Variants in TNFRSF12A observed in about 807,000 individuals in gnomAD.
The protein encoded by TNFRSF12A is tumor necrosis factor receptor superfamily member 12A.
Under a neutral mutation model 15.5 loss-of-function variants are expected in TNFRSF12A, and 13 were observed. That is an observed-to-expected ratio of 0.84 (90% CI 0.54 to 1.33). TNFRSF12A has a LOEUF of 1.33. Among genes scored for constraint, TNFRSF12A ranks in the 40% most tolerant of loss-of-function variants. The pLI, the probability that TNFRSF12A is intolerant of heterozygous loss-of-function variation, is 0.00. For synonymous variants in TNFRSF12A, 89 were observed against 78.4 expected, an observed-to-expected ratio of 1.14 and a Z score of -0.71; for missense variants, 174 against 173.6, an observed-to-expected ratio of 1.00 and a Z score of -0.01.
At chr16:3,020,534 G>T (rs915732420) in intron 1 of TNFRSF12A, 43 bp downstream of exon 1, 2 of 1,250,270 alleles carry the variant, frequency 1.6e-6, no homozygotes, top group Non-Finnish European at 2.0e-6. Flanking sequence ...GCCGGGGCTC[G>T]GGAGCCGGAC....
At position 3,022,204 on chromosome 16, in the gene TNFRSF12A, C is replaced by G; in HGVS notation, c.*378C>G. The G allele has an allele frequency of 2.5e-6, 1 of 402,026 alleles. No individual in the cohort carries two copies. Among genetic ancestry groups the G allele is most frequent in the Non-Finnish European group, 4.4e-6 (1 of 227,672 alleles). 24.9% of individuals were successfully genotyped at this position (402,026 alleles called of 1,614,324 possible). A position where few individuals can be genotyped will look rare whatever the true frequency, so the allele number is the denominator to read the frequency against. The stretch of plus-strand genomic sequence containing the variant: ...TCACTCAGATGTCCTGAAATTCCAC[C>G]ACGGGGGTCACCCTGGGGGGTTAGG... On this transcript the variant is annotated 3_prime_UTR_variant, in exon 4 of 4. Coordinates refer to ENST00000326577, the MANE Select transcript of TNFRSF12A (RefSeq NM_016639.3).
At position 3,021,291 on chromosome 16, in the gene TNFRSF12A, G is replaced by C. The variant is rs1345325936; in HGVS notation, c.171G>C (p.Ala57=). 6.3e-7 allele frequency: 1 copy of C among 1,587,154 alleles called. No homozygotes were observed. Among genetic ancestry groups the C allele is most frequent in the East Asian group, 2.3e-5 (1 of 44,380 alleles). The change falls in exon 2 of 4, where the codon GCG becomes GCC. Residue 57 remains alanine, a synonymous_variant. Transcript: ENST00000326577. ...DKCMDCASCR[A]RPHSDFCLGC... ...GCATGGACTGCGCGTCTTGCAGGGC[G>C]CGACCGCACAGCGACTTCTGCCTGG...
chr16:3,020,384 GCAGGACGT>G lies in TNFRSF12A; in HGVS notation c.-13_-6del. On this transcript the variant is annotated 5_prime_UTR_variant, in exon 1 of 4. Coordinates refer to ENST00000326577, the MANE Select transcript of TNFRSF12A (RefSeq NM_016639.3). ...GCGGCGGGCGCAGACAGCGGCGGGC[GCAGGACGT>G]GCACTATGGCTCGGGGCTCGCTGCG... 1 of 1,287,480 alleles carries G rather than the reference GCAGGACGT, an allele frequency of 7.8e-7. No homozygotes were observed. The highest frequency in any genetic ancestry group is 9.8e-7 in the Non-Finnish European group (1 of 1,016,908). The allele number at this position is 1,287,480 out of a possible 1,614,324, so 79.8% of individuals were successfully genotyped here.
intron 1 of TNFRSF12A, 34 bp from the exon 2 acceptor site, chr16:3,021,181 G>A (rs754807321): frequency 1.1e-4 from 131 of 1,169,322 alleles, no homozygotes; most frequent in Non-Finnish European, 1.5e-4. Context: ...GCCGAGTCCC[G>A]CCCCCAGCCT....
At chr16:3,020,587 T>C (rs2072600771) in intron 1 of TNFRSF12A, 96 bp downstream of exon 1, 1 of 917,760 alleles carries the variant, frequency 1.1e-6, no homozygotes, top group Non-Finnish European at 1.4e-6. Flanking sequence ...AACAGGCGGA[T>C]GTGGGGATCT....
chr16:3,021,346 A>G (rs760548217), intron 2 of TNFRSF12A, 27 bp downstream of exon 2: 44 of 1,530,078 alleles, frequency 2.9e-5, no homozygotes, highest in Non-Finnish European at 3.7e-5. Flanking sequence ...GCCAGTGGCC[A>G]GCGGACCCCA....
rs1282445602 is a variant in TNFRSF12A, at chr16:3,021,261, C to T, written c.141C>T (p.Asp47=). ...SRGSSWSADL[D]KCMDCASCRA... ...GCAGCTCCTGGAGCGCGGACCTGGACAAGTGCATGGACTGCGCGTCTTGCA... is the reference window on the plus strand; with the variant it reads ...GCAGCTCCTGGAGCGCGGACCTGGATAAGTGCATGGACTGCGCGTCTTGCA... The change falls in exon 2 of 4, where the codon GAC becomes GAT. Residue 47 remains aspartate (D), a synonymous_variant. Coordinates refer to ENST00000326577, the MANE Select transcript of TNFRSF12A (RefSeq NM_016639.3). The T allele has an allele frequency of 1.9e-6, 3 of 1,594,184 alleles. No individual in the cohort carries two copies. In the Admixed American group the frequency reaches 5.2e-5, roughly 27 times the overall value.
In TNFRSF12A at chr16:3,021,270, G is replaced by A. The variant is rs767178460; in HGVS notation, c.150G>A (p.Met50Ile). ...SSWSADLDKC[M>I]DCASCRARPH... ...GGAGCGCGGACCTGGACAAGTGCAT[G>A]GACTGCGCGTCTTGCAGGGCGCGAC... is the stretch of plus-strand genomic sequence containing the variant. Residue 50 changes from methionine (M) to isoleucine (I), a missense_variant, in exon 2 of 4, where the codon ATG (methionine) becomes ATA (isoleucine). Transcript: ENST00000326577. The A allele has an allele frequency of 1.9e-6, 3 of 1,593,324 alleles. No homozygotes were observed. Among genetic ancestry groups the A allele is most frequent in the Non-Finnish European group, 2.6e-6 (3 of 1,174,824 alleles).
Position 3,021,579 on chromosome 16 carries a change from TC to T in TNFRSF12A, c.226del (p.Arg76GlyfsTer11). On this transcript the variant is annotated frameshift_variant, in exon 3 of 4. Coordinates refer to ENST00000326577, the MANE Select transcript of TNFRSF12A (RefSeq NM_016639.3). LOFTEE classifies it high-confidence loss of function. The part of the protein sequence containing the change: ...LGCAAAPPAP[F>X]RLLWPILGGA... ...GGCGCTGCAGCACCTCCTGCCCCCTTCCGGCTGCTTTGGCCCATCCTTGGGG... is the reference window on the plus strand; with the variant it reads ...GGCGCTGCAGCACCTCCTGCCCCCTTCGGCTGCTTTGGCCCATCCTTGGGG... 6.2e-7 allele frequency: 1 copy of T among 1,612,142 alleles called. No homozygotes were observed. The highest frequency in any genetic ancestry group is 8.5e-7 in the Non-Finnish European group (1 of 1,179,388).
In TNFRSF12A at chr16:3,022,216, C is replaced by T; in HGVS notation, c.*390C>T. Reference sequence around the variant, plus strand: ...CCTGAAATTCCACCACGGGGGTCACCCTGGGGGGTTAGGGACCTATTTTTA... The same window carrying T: ...CCTGAAATTCCACCACGGGGGTCACTCTGGGGGGTTAGGGACCTATTTTTA... On this transcript the variant is annotated 3_prime_UTR_variant, in exon 4 of 4. Coordinates refer to ENST00000326577, the MANE Select transcript of TNFRSF12A (RefSeq NM_016639.3). 2.6e-6 allele frequency: 1 copy of T among 391,786 alleles called. No individual in the cohort carries two copies. Among genetic ancestry groups the T allele is most frequent in the Non-Finnish European group, 4.5e-6 (1 of 221,316 alleles). 24.3% of individuals were successfully genotyped at this position (391,786 alleles called of 1,614,324 possible).
In TNFRSF12A at chr16:3,021,318, C is replaced by G. The variant is rs780316858; in HGVS notation, c.198C>G (p.Gly66=). 6.3e-7 allele frequency: 1 copy of G among 1,575,946 alleles called. No individual in the cohort carries two copies. Among genetic ancestry groups the G allele is most frequent in the South Asian group, 1.1e-5 (1 of 87,492 alleles). Residue 66 remains glycine, a splice_region_variant and synonymous_variant, in exon 2 of 4, where the codon GGC becomes GGG. Coordinates refer to ENST00000326577, the MANE Select transcript of TNFRSF12A (RefSeq NM_016639.3). Reference sequence around the variant, plus strand: ...GACCGCACAGCGACTTCTGCCTGGGCTGTGAGTGGGGGGCAGGGCCAGTGG... The same window carrying G: ...GACCGCACAGCGACTTCTGCCTGGGGTGTGAGTGGGGGGCAGGGCCAGTGG... ...RARPHSDFCL[G]CAAAPPAPFR... is the part of the protein sequence containing the mutation.
chr16:3,021,707 T>G lies in TNFRSF12A; in HGVS notation c.334+18T>G. 6.2e-7 allele frequency: 1 copy of G among 1,612,254 alleles called. No homozygotes were observed. The highest frequency in any genetic ancestry group is 1.3e-5 in the African/African-American group (1 of 75,010). ...GTTCACCAGTAAGTGTGCCCTGGCCTGCCCAGCCCTGTCAGCACTCGACCT... is the reference window on the plus strand; with the variant it reads ...GTTCACCAGTAAGTGTGCCCTGGCCGGCCCAGCCCTGTCAGCACTCGACCT... On this transcript the variant is annotated intron_variant, in intron 3 of 3. Coordinates refer to ENST00000326577, the MANE Select transcript of TNFRSF12A (RefSeq NM_016639.3).
chr16:3,020,498 G>C lies in TNFRSF12A; in HGVS notation c.94+7G>C. ...GCCGGGGAGCAAGCGCCAGGTACGC[G>C]GGACTCCGGGGTCGGGGAACCCCGG... On this transcript the variant is annotated splice_region_variant and intron_variant, in intron 1 of 3. Transcript: ENST00000326577. 7.7e-7 allele frequency: 1 copy of C among 1,290,416 alleles called. No individual in the cohort carries two copies. Among genetic ancestry groups the C allele is most frequent in the East Asian group, 2.9e-5 (1 of 35,084 alleles). 79.9% of individuals were successfully genotyped at this position (1,290,416 alleles called of 1,614,324 possible).
intron 2 of TNFRSF12A, 102 bp downstream of exon 2, chr16:3,021,421 C>G (rs1236699760): frequency 3.6e-6 from 5 of 1,407,664 alleles, no homozygotes; most frequent in Non-Finnish European, 4.7e-6. Context: ...GGAAATCATT[C>G]GGGAGGAGGT....
At chr16:3,021,399 G>A in intron 2 of TNFRSF12A, 80 bp downstream of exon 2, 1 of 1,434,880 alleles carries the variant, frequency 7.0e-7, no homozygotes, top group Non-Finnish European at 9.2e-7. Flanking sequence ...GGGGCCGAGA[G>A]CTTTGCATCT....
In TNFRSF12A at chr16:3,021,935, A is replaced by G. The variant is rs1567408288; in HGVS notation, c.*109A>G. The G allele has an allele frequency of 8.2e-7, 1 of 1,222,700 alleles. No individual in the cohort carries two copies. Among genetic ancestry groups the G allele is most frequent in the Non-Finnish European group, 1.1e-6 (1 of 873,200 alleles). The allele number at this position is 1,222,700 out of a possible 1,614,324, so 75.7% of individuals were successfully genotyped here. On this transcript the variant is annotated 3_prime_UTR_variant, in exon 4 of 4. Transcript: ENST00000326577. Reference sequence around the variant, plus strand: ...CGGGAGCCAAGCTCCTCCAACCACAAGGGGGGTGGGGGGCGGTGAATCACC... The same window carrying G: ...CGGGAGCCAAGCTCCTCCAACCACAGGGGGGGTGGGGGGCGGTGAATCACC...
rs1278240661 is a variant in TNFRSF12A at position 3,021,888 on chromosome 16, A to G, written c.*62A>G. ...TCATTCATTCATCCATTCTAGAGCC[A>G]GTCTCTGCCTCCCAGACGCGGCGGG... On this transcript the variant is annotated 3_prime_UTR_variant, in exon 4 of 4. Transcript: ENST00000326577. The G allele has an allele frequency of 6.4e-7, 1 of 1,570,234 alleles. No individual in the cohort carries two copies. Among genetic ancestry groups the G allele is most frequent in the South Asian group, 1.1e-5 (1 of 87,620 alleles).
At position 3,021,757 on chromosome 16, in the gene TNFRSF12A, CTCT is replaced by C; in HGVS notation, c.335-12_335-10del. The C allele has an allele frequency of 4.3e-6, 7 of 1,612,124 alleles. No homozygotes were observed. The highest frequency in any genetic ancestry group is 5.9e-6 in the Non-Finnish European group (7 of 1,178,804). On this transcript the variant is annotated splice_polypyrimidine_tract_variant and intron_variant, in intron 3 of 3. Transcript: ENST00000326577. ...TTTTCTCTGCTGCTGACGACCCCAC[CTCT>C]TATCTTGCAGCCCCCATAGAGGAGA...
rs902024145 is a variant in TNFRSF12A, at chr16:3,020,690, C to T, written c.94+199C>T. Reference sequence around the variant, plus strand: ...TCACAATCCGGGCCTCAGTTTCTCCCACCGTCCAATTGGGGTTGGGGGGGG... The same window carrying T: ...TCACAATCCGGGCCTCAGTTTCTCCTACCGTCCAATTGGGGTTGGGGGGGG... On this transcript the variant is annotated intron_variant, in intron 1 of 3. Transcript: ENST00000326577. 4 of 374,588 alleles carry T rather than the reference C, an allele frequency of 1.1e-5. No individual in the cohort carries two copies. The African/African-American group carries it at 1.1e-4, about 10-fold the overall frequency. 23.2% of individuals were successfully genotyped at this position (374,588 alleles called of 1,614,324 possible). A position where few individuals can be genotyped will look rare whatever the true frequency, so the allele number is the denominator to read the frequency against.
Sources: allele counts gnomAD v4.1 joint callset, GRCh38; gene constraint gnomAD v4.1.1; transcripts MANE v1.5; gene names NCBI Gene and HGNC (gene_info 2026-07-23, HGNC 2026-07-21).